The following BRD4 variants were observed in gnomAD, a reference collection of about 807,000 sequenced individuals.
The protein encoded by BRD4 is bromodomain containing 4.
Under a neutral mutation model 142.1 loss-of-function variants are expected in BRD4, and 16 were observed. That is an observed-to-expected ratio of 0.11 (90% confidence interval 0.08 to 0.17). The LOEUF (loss-of-function observed/expected upper bound fraction) is 0.17, where lower values mean the gene tolerates loss of function less well. Ranked by LOEUF, BRD4 falls within the 10% of genes least tolerant of loss-of-function variation. The pLI, the probability that BRD4 is intolerant of heterozygous loss-of-function variation, is 1.00. For synonymous variants in BRD4, 833 were observed against 707.5 expected, an observed-to-expected ratio of 1.18 and a Z score of -2.82; for missense variants, 1,424 against 1,810.9, an observed-to-expected ratio of 0.79 and a Z score of 3.88.
chr19:15,274,736 C>T (rs2047627573), intron 1 of BRD4, among the ~76,000 whole-genome samples: 1 of 152,222 alleles, frequency 6.6e-6, no homozygotes, highest in South Asian at 2.1e-4. Flanking sequence ...CTGGGCCATG[C>T]TTGTCTCTTT....
At chr19:15,306,227 T>C (rs2047912542) in intron 1 of BRD4, among the ~76,000 whole-genome samples, 1 of 152,222 alleles carries the variant, frequency 6.6e-6, no homozygotes, top group African/African-American at 2.4e-5. Flanking sequence ...TCTGGCTAAC[T>C]CTCTGGCTTA....
At chr19:15,286,531 C>CAT (rs1225886721) in intron 1 of BRD4, among the ~76,000 whole-genome samples, 2 of 152,216 alleles carry the variant, frequency 1.3e-5, no homozygotes, top group African/African-American at 4.8e-5. Flanking sequence ...GCCACATTAA[C>CAT]AGAGAAAGCA....
intron 7 of BRD4, among the ~76,000 whole-genome samples, chr19:15,262,521 C>CT (rs1186697535): frequency 8.1e-6 from 1 of 123,704 alleles, no homozygotes; most frequent in Non-Finnish European, 1.7e-5. Context: ...AAACCCATCT[C>CT]TTTAAAAAAA....
chr19:15,322,880 AAAAAG>A (rs1555747944), intron 1 of BRD4, among the ~76,000 whole-genome samples: 3 of 147,702 alleles, frequency 2.0e-5, no homozygotes, highest in Admixed American at 6.8e-5. Context: ...AAAAAAAAAA[AAAAAG>A]AAAAGAAAAG....
chr19:15,260,614 C>T (rs1218111023), intron 7 of BRD4, among the ~76,000 whole-genome samples: 4 of 152,122 alleles, frequency 2.6e-5, no homozygotes, highest in Non-Finnish European at 5.9e-5. Flanking sequence ...ACAGCACCCC[C>T]CACCCCTTGC....
intron 11 of BRD4, chr19:15,249,307 A>G (rs1268593207): frequency 6.2e-7 from 1 of 1,613,976 alleles, no homozygotes; most frequent in South Asian, 1.1e-5. Flanking sequence ...AGAGGGAGAG[A>G]GAAACCAGTG....
At position 15,327,930 on chromosome 19, in the gene BRD4, G is replaced by GGT. The variant is rs1555748780; in HGVS notation, c.-35+4359_-35+4360insAC. Among the ~76,000 whole-genome samples, 35 of 49,580 alleles carry GGT rather than the reference G, an allele frequency of 7.1e-4. 1 individual carries two copies. Among genetic ancestry groups the GGT allele is most frequent in the African/African-American group, 2.7e-3 (31 of 11,294 alleles). The allele number at this position is 49,580 out of a possible 152,430, so 32.5% of individuals were successfully genotyped here. ...AATGGATTTCTTTTGGGGGGGGGGG[G>GGT]TGGAAATGTCCTAAAATTGGTTGCA... On this transcript the variant is annotated intron_variant, in intron 1 of 19. Transcript: ENST00000679869.
At chr19:15,316,081 G>A (rs1173477284) in intron 1 of BRD4, among the ~76,000 whole-genome samples, 1 of 150,300 alleles carries the variant, frequency 6.7e-6, no homozygotes. Flanking sequence ...GCGTGAACCC[G>A]GGAGGCAGAG....
intron 1 of BRD4, among the ~76,000 whole-genome samples, chr19:15,315,120 A>G (rs1219431568): frequency 1.3e-5 from 2 of 150,924 alleles, no homozygotes; most frequent in Non-Finnish European, 2.9e-5. Flanking sequence ...GTGGAGTTTA[A>G]CCACTTCTAC....
chr19:15,313,875 C>T (rs776037430), intron 1 of BRD4, among the ~76,000 whole-genome samples: 21 of 152,148 alleles, frequency 1.4e-4, no homozygotes, highest in Non-Finnish European at 2.5e-4. Flanking sequence ...CCCAGACAAT[C>T]CCTGGCACTC....
At chr19:15,250,287 T>C (rs1248725147) in intron 11 of BRD4, among the ~76,000 whole-genome samples, 2 of 152,076 alleles carry the variant, frequency 1.3e-5, no homozygotes, top group Non-Finnish European at 2.9e-5. Flanking sequence ...TATCTTCAAG[T>C]CTCTTCCTAC....
rs34519343 is a variant in BRD4 at position 15,310,213 on chromosome 19, CTTTT to C, written c.-35+22073_-35+22076del. On this transcript the variant is annotated intron_variant, in intron 1 of 19. Coordinates refer to ENST00000679869, the MANE Select transcript of BRD4 (RefSeq NM_001379291.1). ...AGATCCAATCCATTTTTAAACAGTC[CTTTT>C]TTTTTTTTTTTTTTGAAAGAGAGTC... Among the ~76,000 whole-genome samples, 69 of 122,406 alleles carry C rather than the reference CTTTT, an allele frequency of 5.6e-4. No homozygotes were observed. In the South Asian group the frequency reaches 0.016, roughly 28 times the overall value. 80.3% of individuals were successfully genotyped at this position (122,406 alleles called of 152,430 possible). A position where few individuals can be genotyped will look rare whatever the true frequency, so the allele number is the denominator to read the frequency against.
chr19:15,240,082 A>G, intron 14 of BRD4, 60 bp from the exon 15 acceptor site: 1 of 1,541,664 alleles, frequency 6.5e-7, no homozygotes, highest in East Asian at 2.3e-5. Context: ...GCCCTGAGAG[A>G]ATTGTCGGGA....
At chr19:15,241,561 G>C (rs4808272) in intron 14 of BRD4, among the ~76,000 whole-genome samples, 2 of 152,142 alleles carry the variant, frequency 1.3e-5, no homozygotes, top group South Asian at 4.1e-4. Context: ...TCACGGCCAG[G>C]GACCTGAAGT....
At position 15,236,298 on chromosome 19, in the gene BRD4, C is replaced by A. The variant is rs2047191508; in HGVS notation, c.*2079G>T. ...GCCTTGTGGCTGGGGCATGTACATA[C>A]ACAAGTGGACACACAGGCAGAGCAG... On this transcript the variant is annotated 3_prime_UTR_variant, in exon 20 of 20. Transcript: ENST00000679869. The A allele has an allele frequency of 6.6e-6, 1 of 152,192 alleles. No individual in the cohort carries two copies. Among genetic ancestry groups the A allele is most frequent in the Non-Finnish European group, 1.5e-5 (1 of 68,056 alleles). 9.4% of individuals were successfully genotyped at this position (152,192 alleles called of 1,614,324 possible). A position where few individuals can be genotyped will look rare whatever the true frequency, so the allele number is the denominator to read the frequency against.
intron 13 of BRD4, 104 bp from the exon 14 acceptor site, chr19:15,243,591 T>C: frequency 7.1e-7 from 1 of 1,407,718 alleles, no homozygotes; most frequent in South Asian, 1.6e-5. Flanking sequence ...GCTCTCCTAC[T>C]GGCCTCCCTC....
chr19:15,255,436 G>T lies in BRD4; in HGVS notation c.1908C>A (p.Ile636=). Residue 636 remains isoleucine, a synonymous_variant, in exon 10 of 20, where the codon ATC becomes ATA. Coordinates refer to ENST00000679869, the MANE Select transcript of BRD4 (RefSeq NM_001379291.1). The part of the protein sequence containing the change: ...PGEKLGRVVH[I]IQSREPSLKN... ...TCAGGGAGGGCTCCCGTGACTGGAT[G>T]ATGTGCACCACGCGGCCCAGCTTCT... 6.2e-7 allele frequency: 1 copy of T among 1,614,190 alleles called. No individual in the cohort carries two copies.
At chr19:15,302,652 G>A (rs1420400887) in intron 1 of BRD4, among the ~76,000 whole-genome samples, 1 of 103,912 alleles carries the variant, frequency 9.6e-6, no homozygotes, top group Non-Finnish European at 1.7e-5. Flanking sequence ...CTGGACAACT[G>A]AGCAAGACTC....
chr19:15,249,686 T>C (rs1477254346), intron 11 of BRD4, among the ~76,000 whole-genome samples: 7 of 152,106 alleles, frequency 4.6e-5, no homozygotes, highest in Non-Finnish European at 5.9e-5. Flanking sequence ...CAGCCAGGTG[T>C]GGCAAGCCCA....
Sources: allele counts gnomAD v4.1 joint callset (sites outside exome capture counted in the v4.1 genomes callset), GRCh38; gene constraint gnomAD v4.1.1; transcripts MANE v1.5; gene names NCBI Gene and HGNC (gene_info 2026-07-23, HGNC 2026-07-21).